The following PPFIA1 variants were observed in gnomAD, a reference collection of about 807,000 sequenced individuals.
PPFIA1 encodes liprin-alpha-1.
In PPFIA1, 25 loss-of-function variants were observed where a neutral mutation model predicts 149.9. That is an observed-to-expected ratio of 0.17 (90% CI 0.12 to 0.23). The LOEUF is 0.23. PPFIA1 is among the 10% of genes least tolerant of loss of function. The pLI, the probability that PPFIA1 is intolerant of heterozygous loss-of-function variation, is 1.00. For missense variants in PPFIA1, 1,362 were observed against 1,506.5 expected, an observed-to-expected ratio of 0.90 and a Z score of 1.59; for synonymous variants, 549 against 552.8, an observed-to-expected ratio of 0.99 and a Z score of 0.10.
intron 2 of PPFIA1, among the ~76,000 whole-genome samples, chr11:70,297,462 G>GT (rs2052151906): frequency 6.6e-6 from 1 of 152,118 alleles, no homozygotes; most frequent in African/African-American, 2.4e-5. Context: ...GAAACATATG[G>GT]TGTCCACAGT....
chr11:70,278,057 C>T (rs755691543), intron 2 of PPFIA1, among the ~76,000 whole-genome samples: 6 of 151,700 alleles, frequency 4.0e-5, no homozygotes, highest in Non-Finnish European at 7.4e-5. Context: ...ACTACAAGCA[C>T]GTGCCACCAC....
At chr11:70,296,736 G>GGAGAGGGAGAGA (rs2052061497) in intron 2 of PPFIA1, among the ~76,000 whole-genome samples, 1 of 125,784 alleles carries the variant, frequency 8.0e-6, no homozygotes, top group Non-Finnish European at 1.6e-5. Context: ...GGAGGGAGAG[G>GGAGAGGGAGAGA]GAGAGGGAGA....
chr11:70,292,749 A>T (rs1357298200), intron 2 of PPFIA1, among the ~76,000 whole-genome samples: 2 of 152,162 alleles, frequency 1.3e-5, no homozygotes, highest in Non-Finnish European at 2.9e-5. Context: ...AAGAAATTGG[A>T]AACTCACTCA....
intron 10 of PPFIA1, chr11:70,334,567 T>C (rs1051843210): frequency 6.6e-6 from 1 of 152,216 alleles, no homozygotes; most frequent in Admixed American, 6.5e-5. Context: ...AAGAAGGATA[T>C]TGTTTCTTTC....
Position 70,378,061 on chromosome 11 carries a change from C to T in PPFIA1, c.3416C>T (p.Ser1139Leu), listed in dbSNP as rs1379410982. 6.2e-7 allele frequency: 1 copy of T among 1,613,758 alleles called. No individual in the cohort carries two copies. The highest frequency in any genetic ancestry group is 1.1e-5 in the South Asian group (1 of 91,002). ...DDDKSFRRAP[S>L]WRKKFRPKDI... ...GATAAAAGCTTTAGGAGAGCACCTT[C>T]ATGGAGAAAAAAGTTTAGACCAAAG... is the stretch of plus-strand genomic sequence containing the variant. The change falls in exon 26 of 28, where the codon TCA (serine) becomes TTA (leucine). Residue 1139 changes from serine to leucine, a missense_variant. By Grantham distance (145) the Ser-to-Leu change is moderately radical. Transcript: ENST00000253925.
chr11:70,278,245 C>T (rs1296168145), intron 2 of PPFIA1, among the ~76,000 whole-genome samples: 1 of 151,848 alleles, frequency 6.6e-6, no homozygotes, highest in Admixed American at 6.6e-5. Context: ...CCATGTTTGC[C>T]AGGCTGGGGT....
intron 2 of PPFIA1, among the ~76,000 whole-genome samples, chr11:70,315,555 A>G (rs1033899844): frequency 6.6e-6 from 1 of 152,060 alleles, no homozygotes; most frequent in Non-Finnish European, 1.5e-5. Flanking sequence ...AGTAGCTTCT[A>G]CTGCCTGAAG....
intron 2 of PPFIA1, among the ~76,000 whole-genome samples, chr11:70,305,672 A>G (rs140851674): frequency 5.7e-4 from 87 of 152,188 alleles, no homozygotes; most frequent in African/African-American, 2.0e-3. Flanking sequence ...GGCTGGCCCC[A>G]TTTGTTTGTT....
At chr11:70,272,999 C>G (rs193268762) in intron 2 of PPFIA1, among the ~76,000 whole-genome samples, 1 of 152,178 alleles carries the variant, frequency 6.6e-6, no homozygotes. Context: ...AAGCTTAGGC[C>G]GGGTGTGGTG....
intron 14 of PPFIA1, among the ~76,000 whole-genome samples, chr11:70,342,728 C>T (rs980931618): frequency 1.3e-5 from 2 of 152,082 alleles, no homozygotes; most frequent in African/African-American, 4.8e-5. Context: ...ATTTCTGTAA[C>T]TTTCCAGTAG....
At chr11:70,321,621 AG>A (rs1388240204) in intron 2 of PPFIA1, among the ~76,000 whole-genome samples, 3 of 152,256 alleles carry the variant, frequency 2.0e-5, no homozygotes, top group African/African-American at 7.2e-5. Flanking sequence ...GACCCAAAAA[AG>A]AAAAAGAAAA....
At chr11:70,283,935 T>C (rs1482253245) in intron 2 of PPFIA1, 2 of 501,018 alleles carry the variant, frequency 4.0e-6, no homozygotes, top group Non-Finnish European at 4.1e-6. Flanking sequence ...TGTCCAGGTT[T>C]AGGTATAAAG....
rs2137343451 is a variant in PPFIA1 at position 70,354,841 on chromosome 11, A to G, written c.2315+389A>G. Among the ~76,000 whole-genome samples the G allele has an allele frequency of 1.3e-5, 2 of 152,138 alleles. 1 individual carries two copies. The highest frequency in any genetic ancestry group is 1.3e-4 in the Admixed American group (2 of 15,280). On this transcript the variant is annotated intron_variant, in intron 17 of 27. Transcript: ENST00000253925. ...CCGTGCCTTTCTTGTGCCTTTTGTA[A>G]ACTGTGGAGAGTTCCAAGTTGTACT...
intron 23 of PPFIA1, chr11:70,374,400 A>G (rs1027664951): frequency 6.6e-6 from 1 of 152,342 alleles, no homozygotes; most frequent in African/African-American, 2.4e-5. Context: ...GATTTTCTGC[A>G]AAGTCTCTAA....
At chr11:70,336,150 C>T (rs2054965730) in intron 11 of PPFIA1, among the ~76,000 whole-genome samples, 1 of 152,140 alleles carries the variant, frequency 6.6e-6, no homozygotes, top group African/African-American at 2.4e-5. Flanking sequence ...GTTTGCCAGC[C>T]CCTGCACTAG....
In PPFIA1 at chr11:70,329,206, C is replaced by T. The variant is rs562939920; in HGVS notation, c.931-967C>T. Among the ~76,000 whole-genome samples, 48 of 152,252 alleles carry T rather than the reference C, an allele frequency of 3.2e-4. 1 individual carries two copies. Among genetic ancestry groups the T allele is most frequent in the Middle Eastern group, 3.4e-3 (1 of 294 alleles). On this transcript the variant is annotated intron_variant, in intron 7 of 27. Transcript: ENST00000253925. The stretch of plus-strand genomic sequence containing the variant: ...TGTAGCGTGAGGCAGACGTAGACTG[C>T]GTCTTCTTTGAGGACACTTTCACCT...
At chr11:70,381,414 G>A (rs1477168624) in intron 26 of PPFIA1, 1 of 152,230 alleles carries the variant, frequency 6.6e-6, no homozygotes. Context: ...ACCAAAATCT[G>A]TGGTCTCTAT....
In PPFIA1 at chr11:70,362,018, C is replaced by G. The variant is rs2056680208; in HGVS notation, c.2583-77C>G. ...TCAAGTGGTCCTCCTGCCTTGGCCT[C>G]CCAGAGAGCTGGGATTACAGGTGTG... On this transcript the variant is annotated intron_variant, in intron 19 of 27. Transcript: ENST00000253925. 9.9e-6 allele frequency: 14 copies of G among 1,408,286 alleles called. No homozygotes were observed. The South Asian group carries it at 1.6e-4, about 17-fold the overall frequency. The allele number at this position is 1,408,286 out of a possible 1,614,324, so 87.2% of individuals were successfully genotyped here.
chr11:70,326,014 C>A (rs1048842586), intron 5 of PPFIA1, among the ~76,000 whole-genome samples: 2 of 151,766 alleles, frequency 1.3e-5, no homozygotes, highest in Non-Finnish European at 2.9e-5. Flanking sequence ...CAATTGAGGA[C>A]CAGCCTATCT....
Sources: gnomAD v4.1 joint callset for allele counts (sites outside exome capture counted in the v4.1 genomes callset) on GRCh38, gnomAD v4.1.1 for gene constraint, MANE v1.5 for transcripts, NCBI Gene and HGNC (gene_info 2026-07-23, HGNC 2026-07-21) for gene names.